The following ACTL8 variants were observed in gnomAD, a reference collection of about 807,000 sequenced individuals.
The protein encoded by ACTL8 is actin-like protein 8.
Under a neutral mutation model 9.3 loss-of-function variants are expected in ACTL8, and 3 were observed. That is an observed-to-expected ratio of 0.32 (90% CI 0.15 to 0.83). ACTL8 has a LOEUF of 0.83. Ranked by LOEUF, ACTL8 falls within the 40% of genes least tolerant of loss-of-function variation. The pLI, the probability that ACTL8 is intolerant of heterozygous loss-of-function variation, is 0.57. For missense variants in ACTL8, 381 were observed against 492.2 expected (o/e 0.77, Z 2.14); for synonymous variants, 224 against 205.9 (o/e 1.09, Z -0.75).
intron 1 of ACTL8, among the ~76,000 whole-genome samples, chr1:17,808,194 A>G (rs1353875197): frequency 2.0e-5 from 3 of 152,200 alleles, no homozygotes; most frequent in Non-Finnish European, 4.4e-5. Context: ...CTTGATGAGC[A>G]AACTCTGGAG....
At chr1:17,803,302 G>A (rs1441681080) in intron 1 of ACTL8, among the ~76,000 whole-genome samples, 2 of 152,142 alleles carry the variant, frequency 1.3e-5, no homozygotes, top group Non-Finnish European at 1.5e-5. Flanking sequence ...GGCCTCCCCA[G>A]CCATGCGGAA....
intron 1 of ACTL8, among the ~76,000 whole-genome samples, chr1:17,778,351 G>C (rs895348602): frequency 6.6e-6 from 1 of 152,030 alleles, no homozygotes; most frequent in Non-Finnish European, 1.5e-5. Flanking sequence ...AGGCCAGGGT[G>C]TCTTTCAGGA....
intron 1 of ACTL8, among the ~76,000 whole-genome samples, chr1:17,774,188 TG>T (rs1361938126): frequency 1.3e-5 from 2 of 152,122 alleles, no homozygotes; most frequent in Non-Finnish European, 2.9e-5. Context: ...AGCAGGGGCT[TG>T]GGGGGTACTT....
At chr1:17,770,356 T>C (rs1247041037) in intron 1 of ACTL8, among the ~76,000 whole-genome samples, 1 of 152,220 alleles carries the variant, frequency 6.6e-6, no homozygotes, top group Non-Finnish European at 1.5e-5. Context: ...CAGGGACCTC[T>C]ACTTTCTACA....
chr1:17,777,248 C>T (rs929930463), intron 1 of ACTL8, among the ~76,000 whole-genome samples: 2 of 152,132 alleles, frequency 1.3e-5, no homozygotes, highest in Admixed American at 6.5e-5. Context: ...GGTCCCACAT[C>T]CTGATTCTCC....
chr1:17,794,842 G>T (rs984266665), intron 1 of ACTL8, among the ~76,000 whole-genome samples: 6 of 152,186 alleles, frequency 3.9e-5, no homozygotes, highest in Admixed American at 1.3e-4. Flanking sequence ...TTTGAAAACA[G>T]AATTGCCCTT....
intron 1 of ACTL8, among the ~76,000 whole-genome samples, chr1:17,761,661 C>G (rs1471929910): frequency 6.6e-6 from 1 of 152,024 alleles, no homozygotes; most frequent in African/African-American, 2.4e-5. Context: ...ACCTCTGCCT[C>G]TTGGGTTCAA....
intron 1 of ACTL8, among the ~76,000 whole-genome samples, chr1:17,760,986 A>T (rs1013938177): frequency 6.6e-6 from 1 of 152,142 alleles, no homozygotes; most frequent in Non-Finnish European, 1.5e-5. Context: ...TAAATAAGGT[A>T]GCACAAGTCC....
chr1:17,811,236 G>C lies in ACTL8; in HGVS notation c.-24-11749G>C, dbSNP rs79814497. ...TTCAGTGTGCTTACTTACCGTCTGT[G>C]TAGCTTATTTGATGAAGTGTGAAAA... On this transcript the variant is annotated intron_variant, in intron 1 of 2. Coordinates refer to ENST00000375406, the MANE Select transcript of ACTL8 (RefSeq NM_030812.3). 2.4e-3 allele frequency among the ~76,000 whole-genome samples: 366 copies of C among 152,316 alleles called. 11 individuals carry two copies. In the East Asian group the frequency reaches 0.065, roughly 27 times the overall value.
intron 2 of ACTL8, among the ~76,000 whole-genome samples, chr1:17,824,864 C>T (rs555725629): frequency 4.6e-5 from 7 of 151,982 alleles, no homozygotes; most frequent in Non-Finnish European, 8.8e-5. Flanking sequence ...AAAAAGAGGA[C>T]CTTGGCTGCT....
intron 1 of ACTL8, among the ~76,000 whole-genome samples, chr1:17,764,250 T>A (rs7547139): frequency 6.6e-6 from 1 of 152,064 alleles, no homozygotes; most frequent in Non-Finnish European, 1.5e-5. Context: ...TATCCTGCAG[T>A]GCACAGGCCG....
intron 1 of ACTL8, among the ~76,000 whole-genome samples, chr1:17,759,080 G>A (rs916836597): frequency 2.0e-5 from 3 of 152,230 alleles, no homozygotes; most frequent in African/African-American, 7.2e-5. Context: ...ACGCAGTTGT[G>A]TTGTTGTACA....
intron 1 of ACTL8, among the ~76,000 whole-genome samples, chr1:17,792,279 C>T (rs1316660343): frequency 2.0e-5 from 3 of 152,308 alleles, no homozygotes; most frequent in South Asian, 2.1e-4. Context: ...GTTTTTAACC[C>T]TTCTTGACAA....
chr1:17,792,568 C>T (rs756807133), intron 1 of ACTL8, among the ~76,000 whole-genome samples: 11 of 152,180 alleles, frequency 7.2e-5, no homozygotes, highest in Non-Finnish European at 1.5e-4. Flanking sequence ...CTTGAAGCCC[C>T]TTCTGCTTAT....
At chr1:17,819,063 T>A (rs2053622968) in intron 1 of ACTL8, among the ~76,000 whole-genome samples, 1 of 152,194 alleles carries the variant, frequency 6.6e-6, no homozygotes, top group Non-Finnish European at 1.5e-5. Context: ...CCCAGCCTCC[T>A]CCTCCCAGGT....
chr1:17,763,730 A>G (rs2066023807), intron 1 of ACTL8, among the ~76,000 whole-genome samples: 1 of 152,154 alleles, frequency 6.6e-6, no homozygotes, highest in African/African-American at 2.4e-5. Flanking sequence ...CTTATGGCAA[A>G]ATGTTCCTTA....
At chr1:17,789,616 C>T (rs1480425272) in intron 1 of ACTL8, among the ~76,000 whole-genome samples, 3 of 152,066 alleles carry the variant, frequency 2.0e-5, no homozygotes, top group Non-Finnish European at 2.9e-5. Context: ...ATGTTCCAAG[C>T]ACATGTTAGT....
At chr1:17,778,228 A>G (rs757530976) in intron 1 of ACTL8, among the ~76,000 whole-genome samples, 6 of 152,204 alleles carry the variant, frequency 3.9e-5, no homozygotes, top group Non-Finnish European at 8.8e-5. Flanking sequence ...GAAAGGGTTT[A>G]TCCAGGCATG....
chr1:17,823,472 G>T lies in ACTL8; in HGVS notation c.348+116G>T, dbSNP rs1570050007. On this transcript the variant is annotated intron_variant, in intron 2 of 2. Transcript: ENST00000375406. This position sits in a 1 kb window ranked among gnomAD's most constrained non-coding sequence, Gnocchi z 5.3. The stretch of plus-strand genomic sequence containing the variant: ...TAAGATAAATTGCCAACCAGGTGTG[G>T]TGGCTTATGCCTGTAATCCCAACAC... 2 of 1,025,130 alleles carry T rather than the reference G, an allele frequency of 2.0e-6. No homozygotes were observed. Among genetic ancestry groups the T allele is most frequent in the Non-Finnish European group, 2.8e-6 (2 of 719,028 alleles). The allele number at this position is 1,025,130 out of a possible 1,614,324, so 63.5% of individuals were successfully genotyped here.
Sources: allele counts gnomAD v4.1 joint callset (sites outside exome capture counted in the v4.1 genomes callset), GRCh38; gene constraint gnomAD v4.1.1; non-coding constraint Gnocchi (gnomAD v3.1); transcripts MANE v1.5; gene names NCBI Gene and HGNC (gene_info 2026-07-23, HGNC 2026-07-21).